Variants in CFAP54 observed in about 807,000 individuals in gnomAD.
CFAP54 encodes cilia and flagella associated protein 54, also known as cilia- and flagella-associated protein 54.
A neutral mutation model predicts 370.4 loss-of-function variants in CFAP54; 290 were observed. The observed-to-expected ratio is 0.78, with a 90% confidence interval of 0.71 to 0.86. CFAP54 has a LOEUF of 0.86. Ranked by LOEUF, CFAP54 falls within the 40% of genes least tolerant of loss-of-function variation. The pLI is 0.00. For synonymous variants in CFAP54, 1,206 were observed against 1,236.5 expected, an observed-to-expected ratio of 0.98 and a Z score of 0.52; for missense variants, 3,399 against 3,528.7, an observed-to-expected ratio of 0.96 and a Z score of 0.93.
chr12:96,579,400 G>T (rs536721682), intron 20 of CFAP54, among the ~76,000 whole-genome samples: 6 of 152,110 alleles, frequency 3.9e-5, no homozygotes. Context: ...TACAAAAATG[G>T]TTCATTCTGT....
intron 60 of CFAP54, among the ~76,000 whole-genome samples, chr12:96,768,721 G>C (rs1473803977): frequency 6.6e-6 from 1 of 152,072 alleles, no homozygotes; most frequent in Non-Finnish European, 1.5e-5. Context: ...AAAAAAAGAA[G>C]CAGAGCATAA....
chr12:96,490,822 A>G (rs559353620), intron 1 of CFAP54, among the ~76,000 whole-genome samples: 4 of 127,036 alleles, frequency 3.1e-5, no homozygotes, highest in Non-Finnish European at 7.8e-5. Flanking sequence ...AACAAAACAT[A>G]TAAGAATCCA....
intron 62 of CFAP54, among the ~76,000 whole-genome samples, chr12:96,789,262 C>G (rs1247425218): frequency 1.3e-5 from 2 of 152,150 alleles, no homozygotes; most frequent in Non-Finnish European, 2.9e-5. Context: ...TTCCCAGATT[C>G]AGCAATCGAG....
chr12:96,675,563 T>C (rs1170989391), intron 39 of CFAP54, among the ~76,000 whole-genome samples: 1 of 152,198 alleles, frequency 6.6e-6, no homozygotes, highest in Non-Finnish European at 1.5e-5. Context: ...AGAAATACCA[T>C]TTGACCCAGC....
intron 26 of CFAP54, among the ~76,000 whole-genome samples, chr12:96,617,646 G>A (rs753394589): frequency 6.6e-6 from 1 of 152,092 alleles, no homozygotes; most frequent in Non-Finnish European, 1.5e-5. Context: ...ACATTAATTC[G>A]TGTTGTGCTG....
At chr12:96,668,543 G>C (rs1957106586) in intron 39 of CFAP54, among the ~76,000 whole-genome samples, 1 of 152,078 alleles carries the variant, frequency 6.6e-6, no homozygotes, top group African/African-American at 2.4e-5. Flanking sequence ...AGAACAGCAG[G>C]GGAAAAACCA....
At chr12:96,630,387 T>G (rs999938509) in intron 31 of CFAP54, among the ~76,000 whole-genome samples, 164 bp from the exon 32 acceptor site, 1 of 152,244 alleles carries the variant, frequency 6.6e-6, no homozygotes, top group East Asian at 1.9e-4. Context: ...AATCAGATTT[T>G]TTTTGTCTAC....
chr12:96,572,888 T>C (rs911320613), intron 19 of CFAP54: 4 of 983,522 alleles, frequency 4.1e-6, no homozygotes, highest in African/African-American at 3.6e-5. Context: ...ACACAGAAAG[T>C]TTTTTTTACC....
At chr12:96,513,384 G>T (rs1391745024) in intron 5 of CFAP54, among the ~76,000 whole-genome samples, 3 of 152,158 alleles carry the variant, frequency 2.0e-5, no homozygotes, top group Non-Finnish European at 2.9e-5. Context: ...GCTTGCCCAG[G>T]AAAGTCCCGG....
intron 65 of CFAP54, among the ~76,000 whole-genome samples, chr12:96,824,531 A>G (rs1288767452): frequency 3.3e-5 from 5 of 152,128 alleles, no homozygotes; most frequent in African/African-American, 1.2e-4. Context: ...CTAAGCACTC[A>G]ATTGGAAATA....
At chr12:96,550,172 C>T (rs763551884) in intron 15 of CFAP54, among the ~76,000 whole-genome samples, 9 of 151,650 alleles carry the variant, frequency 5.9e-5, no homozygotes, top group Admixed American at 1.3e-4. Flanking sequence ...AGTTAAATGT[C>T]GACTGTGATG....
intron 32 of CFAP54, among the ~76,000 whole-genome samples, chr12:96,633,826 G>T (rs530955445): frequency 9.2e-5 from 14 of 152,058 alleles, no homozygotes; most frequent in Non-Finnish European, 1.9e-4. Flanking sequence ...TGGTCGAATA[G>T]TAAGCATGTT....
At position 96,506,135 on chromosome 12, in the gene CFAP54, C is replaced by T. The variant is rs187531737; in HGVS notation, c.568-793C>T. Among the ~76,000 whole-genome samples the T allele has an allele frequency of 5.1e-3, 780 of 152,082 alleles. 11 individuals are homozygous for T. The highest frequency in any genetic ancestry group is 0.018 in the African/African-American group (735 of 41,484). On this transcript the variant is annotated intron_variant, in intron 3 of 67. Coordinates refer to ENST00000524981, the MANE Select transcript of CFAP54 (RefSeq NM_001306084.2). ...CAGGCGGATCACGAGGTCAGGAGAT[C>T]GAGACCATCCTGGCTAACACGGTGA...
At chr12:96,825,323 T>TTATA (rs1959078446) in intron 65 of CFAP54, among the ~76,000 whole-genome samples, 1 of 124,342 alleles carries the variant, frequency 8.0e-6, no homozygotes, top group Non-Finnish European at 1.6e-5. Flanking sequence ...ATAATATATA[T>TTATA]TATATAACAT....
intron 15 of CFAP54, among the ~76,000 whole-genome samples, chr12:96,552,671 G>T (rs976621752): frequency 6.6e-6 from 1 of 152,118 alleles, no homozygotes; most frequent in Non-Finnish European, 1.5e-5. Flanking sequence ...AATGTCCATT[G>T]GCAGAAGAGT....
chr12:96,657,149 A>G (rs947980903), intron 36 of CFAP54, among the ~76,000 whole-genome samples: 1 of 152,148 alleles, frequency 6.6e-6, no homozygotes, highest in Non-Finnish European at 1.5e-5. Flanking sequence ...TGAGTTACCC[A>G]ACTGTTTTGG....
At chr12:96,687,577 C>T (rs1368147240) in intron 42 of CFAP54, among the ~76,000 whole-genome samples, 6 of 152,172 alleles carry the variant, frequency 3.9e-5, no homozygotes, top group African/African-American at 1.4e-4. Flanking sequence ...ACACTTAAAA[C>T]TTAACTGTTC....
chr12:96,865,787 A>G (rs1959988870), intron 67 of CFAP54, among the ~76,000 whole-genome samples: 1 of 152,244 alleles, frequency 6.6e-6, no homozygotes, highest in African/African-American at 2.4e-5. Flanking sequence ...ATCTCATTAT[A>G]TGACTGGAAC....
intron 8 of CFAP54, 112 bp from the exon 9 acceptor site, chr12:96,527,134 C>A: frequency 1.1e-6 from 1 of 932,552 alleles, no homozygotes; most frequent in Non-Finnish European, 1.5e-6. Context: ...TTGGGTCAAG[C>A]AATCCTCCTG....
Sources: gnomAD v4.1 joint callset for allele counts (sites outside exome capture counted in the v4.1 genomes callset) on GRCh38, gnomAD v4.1.1 for gene constraint, MANE v1.5 for transcripts, NCBI Gene and HGNC (gene_info 2026-07-23, HGNC 2026-07-21) for gene names.